Variants in IL1RAPL1 observed in about 807,000 individuals in gnomAD.
IL1RAPL1 encodes interleukin 1 receptor accessory protein like 1.
IL1RAPL1 carries 3 observed loss-of-function variants against 48.4 expected under a neutral mutation model. That is an observed-to-expected ratio of 0.06 (90% CI 0.03 to 0.16). IL1RAPL1 has a LOEUF of 0.16. IL1RAPL1 is among the 10% of genes least tolerant of loss of function. The probability of loss-of-function intolerance (pLI) is 1.00; values close to 1 mark genes in which losing one functional copy is unlikely to be tolerated. For synonymous variants in IL1RAPL1, 185 were observed against 187.7 expected (o/e 0.99, Z 0.12); for missense variants, 349 against 530.6 (o/e 0.66, Z 3.36).
At chrX:28,944,783 A>T (rs1468526192) in intron 2 of IL1RAPL1, among the ~76,000 whole-genome samples, 2 of 109,099 alleles carry the variant, frequency 1.8e-5, no homozygotes, top group Non-Finnish European at 3.8e-5. Context: ...TTTTTTTTTT[A>T]AGATAAGAAA....
At chrX:28,589,262 A>G (rs1359514855) in intron 1 of IL1RAPL1, among the ~76,000 whole-genome samples, 10 of 111,545 alleles carry the variant, frequency 9.0e-5, no homozygotes, top group Non-Finnish European at 1.1e-4. Flanking sequence ...ATGTAACTTC[A>G]TTACATCAGC....
intron 3 of IL1RAPL1, among the ~76,000 whole-genome samples, chrX:29,362,969 T>C (rs1296171382): frequency 8.9e-6 from 1 of 111,907 alleles, no homozygotes; most frequent in African/African-American, 3.2e-5. Context: ...GAAAAAGTTC[T>C]ATGAAATATC....
At chrX:29,122,409 T>TCTCTCACACACACA (rs60632925) in intron 2 of IL1RAPL1, among the ~76,000 whole-genome samples, 45 of 64,590 alleles carry the variant, frequency 7.0e-4, no homozygotes, top group African/African-American at 3.4e-3. Flanking sequence ...TCTCTCTCTC[T>TCTCTCACACACACA]CACACACACA....
intron 5 of IL1RAPL1, among the ~76,000 whole-genome samples, chrX:29,487,027 G>A (rs1041078785): frequency 2.0e-5 from 2 of 102,293 alleles, no homozygotes; most frequent in Non-Finnish European, 4.0e-5. Context: ...ATGCTGATTC[G>A]TAGACCACAC....
At chrX:29,760,962 C>T (rs1351357798) in intron 6 of IL1RAPL1, among the ~76,000 whole-genome samples, 1 of 111,449 alleles carries the variant, frequency 9.0e-6, no homozygotes, top group East Asian at 2.8e-4. Context: ...ATTTGTAAGC[C>T]TATCACCTCA....
At chrX:29,323,349 G>C (rs189176233) in intron 3 of IL1RAPL1, among the ~76,000 whole-genome samples, 79 of 108,622 alleles carry the variant, frequency 7.3e-4, no homozygotes, top group African/African-American at 2.5e-3. Context: ...AATCAATGGT[G>C]ACTTTTATAT....
intron 1 of IL1RAPL1, among the ~76,000 whole-genome samples, chrX:28,685,649 C>T (rs1310279137): frequency 9.0e-6 from 1 of 111,521 alleles, no homozygotes; most frequent in Non-Finnish European, 1.9e-5. Context: ...TTTTAGTTAG[C>T]AGCATTTTGT....
At chrX:29,556,909 C>T (rs1256920835) in intron 5 of IL1RAPL1, among the ~76,000 whole-genome samples, 2 of 111,568 alleles carry the variant, frequency 1.8e-5, no homozygotes, top group African/African-American at 6.5e-5. Context: ...GATACCTAAA[C>T]CTAACCCTTG....
chrX:28,634,103 A>G (rs1424557391), intron 1 of IL1RAPL1, among the ~76,000 whole-genome samples: 1 of 110,000 alleles, frequency 9.1e-6, no homozygotes, highest in Non-Finnish European at 1.9e-5. Context: ...TTCACCTCCC[A>G]GGTTCAAGAG....
At chrX:28,823,507 G>A (rs971582886) in intron 2 of IL1RAPL1, among the ~76,000 whole-genome samples, 1 of 110,767 alleles carries the variant, frequency 9.0e-6, no homozygotes. Flanking sequence ...ATAACTCTTA[G>A]TATATTTATT....
intron 6 of IL1RAPL1, among the ~76,000 whole-genome samples, chrX:29,845,121 G>A (rs954867358): frequency 1.8e-5 from 2 of 112,361 alleles, no homozygotes; most frequent in African/African-American, 6.5e-5. Flanking sequence ...ATACATTTCT[G>A]TTGTTTTAAG....
intron 6 of IL1RAPL1, among the ~76,000 whole-genome samples, chrX:29,916,930 T>C (rs753967862): frequency 1.5e-3 from 164 of 112,381 alleles, no homozygotes; most frequent in African/African-American, 5.2e-3. Flanking sequence ...TTAGCTTCTT[T>C]AATTCGAATG....
chrX:29,878,127 A>G (rs1393204485), intron 6 of IL1RAPL1, among the ~76,000 whole-genome samples: 1 of 112,156 alleles, frequency 8.9e-6, no homozygotes, highest in East Asian at 2.8e-4. Context: ...TTGGGAAGTA[A>G]TAACAATAGG....
chrX:29,374,016 G>A (rs906360762), intron 3 of IL1RAPL1, among the ~76,000 whole-genome samples: 5 of 105,369 alleles, frequency 4.7e-5, no homozygotes, highest in Middle Eastern at 4.8e-3. Flanking sequence ...TGTTTTTAAC[G>A]TGCTGCTGGA....
chrX:29,126,463 G>A (rs1436082427), intron 2 of IL1RAPL1, among the ~76,000 whole-genome samples: 1 of 112,289 alleles, frequency 8.9e-6, no homozygotes, highest in African/African-American at 3.2e-5. Flanking sequence ...TGTCATAGCT[G>A]GTCAAGAACT....
chrX:29,029,036 A>G (rs1257409849), intron 2 of IL1RAPL1, among the ~76,000 whole-genome samples: 2 of 111,722 alleles, frequency 1.8e-5, no homozygotes, highest in Admixed American at 1.9e-4. Context: ...GGTGGAAGGC[A>G]AAGGGGCAGC....
intron 2 of IL1RAPL1, among the ~76,000 whole-genome samples, chrX:28,814,341 TTGTGTGTGTGTG>T (rs753090480): frequency 4.5e-5 from 4 of 89,745 alleles, no homozygotes; most frequent in Non-Finnish European, 8.8e-5. Context: ...ATTTTCAGGT[TTGTGTGTGTGTG>T]TGTGTGTGTG....
intron 6 of IL1RAPL1, among the ~76,000 whole-genome samples, chrX:29,855,774 C>T (rs1480183022): frequency 1.8e-5 from 2 of 109,689 alleles, no homozygotes; most frequent in African/African-American, 6.6e-5. Context: ...AATATTTCTA[C>T]ATCTACCATA....
chrX:29,077,618 A>AAAAAG (rs10646617), intron 2 of IL1RAPL1, among the ~76,000 whole-genome samples: 29,000 of 104,438 alleles, frequency 0.28, 4,333 homozygotes, highest in African/African-American at 0.54. Flanking sequence ...GAAAAAAAAA[A>AAAAAG]AAAAGAAAAA....
Sources: gnomAD v4.1 joint callset for allele counts (sites outside exome capture counted in the v4.1 genomes callset) on GRCh38, gnomAD v4.1.1 for gene constraint, MANE v1.5 for transcripts, NCBI Gene and HGNC (gene_info 2026-07-23, HGNC 2026-07-21) for gene names.